The following CATSPERE variants were observed in gnomAD, a reference collection of about 807,000 sequenced individuals.
CATSPERE encodes cation channel sperm-associated auxiliary subunit epsilon.
A neutral mutation model predicts 114.1 loss-of-function variants in CATSPERE; 93 were observed. That is an observed-to-expected ratio of 0.81 (90% CI 0.69 to 0.97). CATSPERE has a LOEUF of 0.97. Among genes scored for constraint, CATSPERE ranks in the 50% least tolerant of loss-of-function variants. The pLI is 0.00. For synonymous variants in CATSPERE, 341 were observed against 384.1 expected (o/e 0.89, Z 1.31); for missense variants, 1,058 against 1,131.6 (o/e 0.93, Z 0.93).
intron 20 of CATSPERE, among the ~76,000 whole-genome samples, chr1:244,631,349 A>G (rs1281838748): frequency 6.6e-6 from 1 of 152,240 alleles, no homozygotes; most frequent in Non-Finnish European, 1.5e-5. Context: ...TATAAAACTC[A>G]TAGAAGATAA....
intron 8 of CATSPERE, among the ~76,000 whole-genome samples, chr1:244,545,012 G>C (rs3003238): frequency 0.99 from 151,233 of 152,340 alleles, 75,077 homozygotes; most frequent in Middle Eastern, 1. Flanking sequence ...ATTTAGTTTG[G>C]AAGCATCTTG....
At chr1:244,477,780 T>A in intron 3 of CATSPERE, 126 bp from the exon 4 acceptor site, 1 of 959,474 alleles carries the variant, frequency 1.0e-6, no homozygotes, top group Non-Finnish European at 1.6e-6. Flanking sequence ...AGTAAAATAT[T>A]GCAAATATTT....
intron 14 of CATSPERE, among the ~76,000 whole-genome samples, 181 bp downstream of exon 14, chr1:244,588,715 T>C (rs768454323): frequency 1.3e-5 from 2 of 152,208 alleles, no homozygotes; most frequent in African/African-American, 2.4e-5. Flanking sequence ...AAATACTACA[T>C]TTGAATCATA....
At chr1:244,456,589 T>C (rs1666185692), upstream of CATSPERE, among the ~76,000 whole-genome samples, 1 of 152,192 alleles carries the variant, frequency 6.6e-6, no homozygotes, top group Non-Finnish European at 1.5e-5. Context: ...TAAAATGTCA[T>C]GAAAATACAG....
At chr1:244,556,110 G>T (rs781436641) in intron 9 of CATSPERE, among the ~76,000 whole-genome samples, 5 of 152,066 alleles carry the variant, frequency 3.3e-5, no homozygotes, top group Admixed American at 6.6e-5. Flanking sequence ...AAGTGGGAAG[G>T]TTGCTTGAGC....
At chr1:244,621,413 G>T (rs2148720444) in intron 20 of CATSPERE, among the ~76,000 whole-genome samples, 1 of 146,534 alleles carries the variant, frequency 6.8e-6, no homozygotes, top group South Asian at 2.1e-4. Flanking sequence ...TTAGCTGACT[G>T]TCCAAAAAGA....
chr1:244,505,295 G>A (rs1259853087), intron 7 of CATSPERE, among the ~76,000 whole-genome samples: 2 of 152,146 alleles, frequency 1.3e-5, no homozygotes, highest in Non-Finnish European at 1.5e-5. Context: ...TCTCCTAGGA[G>A]CTCTGGACCG....
At chr1:244,600,669 C>T (rs1274270442) in intron 17 of CATSPERE, among the ~76,000 whole-genome samples, 1 of 152,224 alleles carries the variant, frequency 6.6e-6, no homozygotes, top group African/African-American at 2.4e-5. Flanking sequence ...ACAGGATCCT[C>T]ACTGGAAAAG....
intron 8 of CATSPERE, among the ~76,000 whole-genome samples, chr1:244,529,610 G>A (rs1232523695): frequency 6.6e-6 from 1 of 152,020 alleles, no homozygotes. Context: ...CCCCCATTCT[G>A]TGGATTGTCT....
At chr1:244,626,588 C>A (rs568908421) in intron 20 of CATSPERE, among the ~76,000 whole-genome samples, 1 of 151,564 alleles carries the variant, frequency 6.6e-6, no homozygotes, top group Non-Finnish European at 1.5e-5. Flanking sequence ...CCACCTTCAT[C>A]AATCATCTTA....
intron 2 of CATSPERE, among the ~76,000 whole-genome samples, chr1:244,471,991 ACT>A (rs1240054053): frequency 6.6e-6 from 1 of 151,886 alleles, no homozygotes; most frequent in Non-Finnish European, 1.5e-5. Context: ...ACAGACTCTA[ACT>A]CTGTTGCCTA....
chr1:244,474,777 T>C (rs1227947616), intron 2 of CATSPERE, among the ~76,000 whole-genome samples: 2 of 149,250 alleles, frequency 1.3e-5, no homozygotes, highest in African/African-American at 2.5e-5. Context: ...TTGGTCTTGC[T>C]CTGTCATCCA....
intron 8 of CATSPERE, among the ~76,000 whole-genome samples, chr1:244,525,032 A>G (rs1369005328): frequency 3.4e-5 from 5 of 145,754 alleles, no homozygotes; most frequent in Non-Finnish European, 6.0e-5. Context: ...ATAAAGACAC[A>G]TGCACACGTA....
chr1:244,531,801 A>G (rs1234232556), intron 8 of CATSPERE, among the ~76,000 whole-genome samples: 2 of 152,074 alleles, frequency 1.3e-5, no homozygotes, highest in African/African-American at 2.4e-5. Flanking sequence ...TTTGTTTGAT[A>G]TGTCTTTTTC....
At position 244,468,738 on chromosome 1, in the gene CATSPERE, G is replaced by T. The variant is rs12034472; in HGVS notation, c.114+4782G>T. Among the ~76,000 whole-genome samples the T allele has an allele frequency of 1.6e-3, 249 of 152,188 alleles. 3 individuals carry two copies. The East Asian group carries it at 0.036, about 22-fold the overall frequency. ...GTTTGAGACTAGCCTGGGCAACATG[G>T]CCAGACCCCATCTCTACAAATAATA... On this transcript the variant is annotated intron_variant, in intron 2 of 21. Transcript: ENST00000366534.
At chr1:244,623,082 A>ATTTATTTC (rs1355431780) in intron 20 of CATSPERE, among the ~76,000 whole-genome samples, 1 of 151,254 alleles carries the variant, frequency 6.6e-6, no homozygotes, top group East Asian at 1.9e-4. Context: ...TTATTTATTT[A>ATTTATTTC]TTTATTTTGA....
At chr1:244,553,379 C>T (rs1660962660) in intron 9 of CATSPERE, among the ~76,000 whole-genome samples, 1 of 151,652 alleles carries the variant, frequency 6.6e-6, no homozygotes, top group African/African-American at 2.4e-5. Flanking sequence ...GAAACCCCGT[C>T]TCTACTAAAA....
chr1:244,576,476 T>C (rs1665281592), intron 11 of CATSPERE, among the ~76,000 whole-genome samples: 1 of 148,806 alleles, frequency 6.7e-6, no homozygotes, highest in Non-Finnish European at 1.5e-5. Flanking sequence ...CATTGCTCCA[T>C]CTGCGAGGAG....
In CATSPERE at chr1:244,633,778, T is replaced by A. The variant is rs187044408; in HGVS notation, c.2649-1711T>A. Among the ~76,000 whole-genome samples the A allele has an allele frequency of 1.8e-4, 27 of 152,068 alleles. No individual in the cohort carries two copies. The East Asian group carries it at 4.3e-3, about 24-fold the overall frequency. On this transcript the variant is annotated intron_variant, in intron 20 of 21. Transcript: ENST00000366534. The surrounding 1 kb of genome is among the most constrained non-coding windows in gnomAD (Gnocchi z 4.1). ...ACACCTGGAATGCCCTAACCCTTCA[T>A]CCTTATTTAAACTCCAACCTTTAGG... is the stretch of plus-strand genomic sequence containing the variant.
Sources: allele counts gnomAD v4.1 joint callset (sites outside exome capture counted in the v4.1 genomes callset), GRCh38; gene constraint gnomAD v4.1.1; non-coding constraint Gnocchi (gnomAD v3.1); transcripts MANE v1.5; gene names NCBI Gene and HGNC (gene_info 2026-07-23, HGNC 2026-07-21).